The following RNF214 variants were observed in gnomAD, a reference collection of about 807,000 sequenced individuals.
The protein encoded by RNF214 is ring finger protein 214.
Under a neutral mutation model 75.9 loss-of-function variants are expected in RNF214, and 25 were observed. The observed-to-expected ratio is 0.33, with a 90% CI of 0.24 to 0.46. The LOEUF (loss-of-function observed/expected upper bound fraction) is 0.46, where lower values mean the gene tolerates loss of function less well. Ranked by LOEUF, RNF214 falls within the 20% of genes least tolerant of loss-of-function variation. The pLI, the probability that RNF214 is intolerant of heterozygous loss-of-function variation, is 1.00. For missense variants in RNF214, 725 were observed against 857.5 expected (o/e 0.85, Z 1.93); for synonymous variants, 314 against 308.8 (o/e 1.02, Z -0.18).
chr11:117,238,263 G>T (rs1404704727), intron 2 of RNF214, among the ~76,000 whole-genome samples: 2 of 152,164 alleles, frequency 1.3e-5, no homozygotes, highest in Non-Finnish European at 2.9e-5. Context: ...AAAATTAGCT[G>T]GGCGTAGTGG....
intron 6 of RNF214, among the ~76,000 whole-genome samples, chr11:117,251,735 G>A (rs910147241): frequency 6.6e-6 from 1 of 152,172 alleles, no homozygotes; most frequent in African/African-American, 2.4e-5. Flanking sequence ...GACGTGAAGT[G>A]GGGGAGTGAG....
rs57144374 is a variant in RNF214 at position 117,270,241 on chromosome 11, C to CTTTT, written c.960-9644_960-9641dup. ...TTTCAATTTTCTTTTCTTTTCTTTT[C>CTTTT]TTTTTTTTTTTTTTTTTTTTTTTTT... On this transcript the variant is annotated intron_variant, in intron 6 of 14. Transcript: ENST00000300650. Among the ~76,000 whole-genome samples the CTTTT allele has an allele frequency of 8.7e-4, 66 of 75,872 alleles. 3 individuals are homozygous for CTTTT. The highest frequency in any genetic ancestry group is 1.7e-3 in the African/African-American group (30 of 17,762). 49.8% of individuals were successfully genotyped at this position (75,872 alleles called of 152,430 possible).
At chr11:117,272,470 G>A (rs558761054) in intron 6 of RNF214, among the ~76,000 whole-genome samples, 157 of 152,232 alleles carry the variant, frequency 1.0e-3, no homozygotes, top group African/African-American at 3.5e-3. Flanking sequence ...AGAGCATTAG[G>A]ACAAATAGCT....
intron 6 of RNF214, among the ~76,000 whole-genome samples, chr11:117,266,639 T>C (rs2033802321): frequency 6.6e-6 from 1 of 151,968 alleles, no homozygotes; most frequent in Non-Finnish European, 1.5e-5. Flanking sequence ...GGATTACAGG[T>C]GTGAGTCACC....
chr11:117,257,555 A>G (rs667944), intron 6 of RNF214, among the ~76,000 whole-genome samples: 49,872 of 152,100 alleles, frequency 0.33, 8,872 homozygotes, highest in East Asian at 0.66. Flanking sequence ...ACTTGAATGT[A>G]GAAGAGATGC....
intron 2 of RNF214, among the ~76,000 whole-genome samples, chr11:117,236,502 G>A (rs1051905085): frequency 5.3e-5 from 8 of 151,746 alleles, no homozygotes; most frequent in African/African-American, 1.7e-4. Flanking sequence ...TCGATCTTCC[G>A]ACCTTGTGAT....
intron 6 of RNF214, among the ~76,000 whole-genome samples, chr11:117,279,482 G>C (rs967433622): frequency 2.0e-5 from 3 of 151,976 alleles, no homozygotes; most frequent in African/African-American, 7.3e-5. Context: ...GGCGACAGGC[G>C]TGCGCCATCA....
Position 117,286,362 on chromosome 11 carries a change from G to A in RNF214, c.*1211G>A, listed in dbSNP as rs1029725414. 13 of 152,156 alleles carry A rather than the reference G, an allele frequency of 8.5e-5. No individual in the cohort carries two copies. The highest frequency in any genetic ancestry group is 3.1e-4 in the African/African-American group (13 of 41,430). The allele number at this position is 152,156 out of a possible 1,614,324, so 9.4% of individuals were successfully genotyped here. ...ACCTGGGAAAGCTGTGACTCTATTA[G>A]AGCTTTGAATCTTTTCCTATCCTTT... is the stretch of plus-strand genomic sequence containing the variant. On this transcript the variant is annotated 3_prime_UTR_variant, in exon 15 of 15. Coordinates refer to ENST00000300650, the MANE Select transcript of RNF214 (RefSeq NM_207343.4).
At chr11:117,275,713 C>T (rs1435636743) in intron 6 of RNF214, among the ~76,000 whole-genome samples, 1 of 152,158 alleles carries the variant, frequency 6.6e-6, no homozygotes, top group Non-Finnish European at 1.5e-5. Flanking sequence ...CTTGAACAGA[C>T]CAATAGCAAG....
intron 6 of RNF214, among the ~76,000 whole-genome samples, chr11:117,272,668 A>G (rs2033937898): frequency 6.6e-6 from 1 of 152,058 alleles, no homozygotes; most frequent in Non-Finnish European, 1.5e-5. Context: ...TTGTCAAGGA[A>G]TGAAGTTTAG....
chr11:117,234,199 G>C, intron 1 of RNF214, 68 bp from the exon 2 acceptor site: 2 of 1,141,278 alleles, frequency 1.8e-6, no homozygotes, highest in Non-Finnish European at 2.7e-6. Context: ...GACATTCTGA[G>C]GGGGGAGAGA....
intron 14 of RNF214, among the ~76,000 whole-genome samples, chr11:117,283,720 G>A (rs1478298744): frequency 6.6e-6 from 1 of 152,002 alleles, no homozygotes; most frequent in Non-Finnish European, 1.5e-5. Context: ...GAATGCAGTG[G>A]CACGATTATA....
In RNF214 at chr11:117,243,445, C is replaced by CT. The variant is rs1481159666; in HGVS notation, c.679-998dup. Among the ~76,000 whole-genome samples, 5 of 152,122 alleles carry CT rather than the reference C, an allele frequency of 3.3e-5. No individual in the cohort carries two copies. In the East Asian group the frequency reaches 7.7e-4, roughly 23 times the overall value. ...ACAGGCGTGAGCCACTGCGCCCAGC[C>CT]TTGAGAGCCTTTTGTTAAAATGATT... On this transcript the variant is annotated intron_variant, in intron 4 of 14. Transcript: ENST00000300650.
intron 6 of RNF214, among the ~76,000 whole-genome samples, chr11:117,264,448 G>A (rs944235532): frequency 6.6e-6 from 1 of 152,044 alleles, no homozygotes; most frequent in Non-Finnish European, 1.5e-5. Flanking sequence ...TGTCAAAGGG[G>A]TATATTTTGG....
chr11:117,280,154 G>T lies in RNF214; in HGVS notation c.1057-17G>T. 3 of 1,590,978 alleles carry T rather than the reference G, an allele frequency of 1.9e-6. No homozygotes were observed. Among genetic ancestry groups the T allele is most frequent in the Non-Finnish European group, 2.6e-6 (3 of 1,160,208 alleles). ...TGTAAAATTAATAAAGTATTTATAT[G>T]TGTGTGGCTTCCTTAGATCTTATCA... On this transcript the variant is annotated splice_polypyrimidine_tract_variant and intron_variant, in intron 7 of 14. Coordinates refer to ENST00000300650, the MANE Select transcript of RNF214 (RefSeq NM_207343.4).
chr11:117,239,532 A>G, intron 3 of RNF214: 1 of 493,502 alleles, frequency 2.0e-6, no homozygotes, highest in Non-Finnish European at 3.6e-6. Context: ...GGCACAACAG[A>G]CTGTAGAGGG....
chr11:117,256,605 CT>C (rs2134384719), intron 6 of RNF214, among the ~76,000 whole-genome samples: 1 of 152,328 alleles, frequency 6.6e-6, no homozygotes, highest in African/African-American at 2.4e-5. Context: ...TCCAGGTGGT[CT>C]TTCCAGCAGA....
At chr11:117,258,327 A>G (rs1293992368) in intron 6 of RNF214, among the ~76,000 whole-genome samples, 3 of 151,924 alleles carry the variant, frequency 2.0e-5, no homozygotes, top group Non-Finnish European at 4.4e-5. Flanking sequence ...CGGCCTCCCA[A>G]AGTGCTGGGA....
intron 2 of RNF214, among the ~76,000 whole-genome samples, chr11:117,237,410 A>G (rs2032939029): frequency 6.6e-6 from 1 of 152,204 alleles, no homozygotes; most frequent in South Asian, 2.1e-4. Context: ...TTTATTTTGA[A>G]CTAGTACGAC....
Sources: allele counts gnomAD v4.1 joint callset (sites outside exome capture counted in the v4.1 genomes callset), GRCh38; gene constraint gnomAD v4.1.1; transcripts MANE v1.5; gene names NCBI Gene and HGNC (gene_info 2026-07-23, HGNC 2026-07-21).